The following PDE1C variants were observed in gnomAD, a reference collection of about 807,000 sequenced individuals.
PDE1C encodes dual specificity calcium/calmodulin-dependent 3',5'-cyclic nucleotide phosphodiesterase 1C.
Under a neutral mutation model 93.1 loss-of-function variants are expected in PDE1C, and 62 were observed. That is an observed-to-expected ratio of 0.67 (90% CI 0.54 to 0.82). The LOEUF is 0.82. Ranked by LOEUF, PDE1C falls within the 40% of genes least tolerant of loss-of-function variation. The pLI is 0.00. For missense variants in PDE1C, 742 were observed against 884.6 expected (o/e 0.84, Z 2.04); for synonymous variants, 325 against 310.1 (o/e 1.05, Z -0.50).
At chr7:32,253,816 T>A (rs1386785996) in intron 1 of PDE1C, among the ~76,000 whole-genome samples, 1 of 152,164 alleles carries the variant, frequency 6.6e-6, no homozygotes, top group African/African-American at 2.4e-5. Flanking sequence ...GAGTGTCCAC[T>A]CTAAGGTCAG....
At chr7:31,831,238 A>G (rs935421108) in intron 11 of PDE1C, among the ~76,000 whole-genome samples, 2 of 152,204 alleles carry the variant, frequency 1.3e-5, no homozygotes, top group African/African-American at 4.8e-5. Flanking sequence ...TGTTGGATTT[A>G]AGATAGCATA....
chr7:32,221,357 G>C (rs1284321188), intron 1 of PDE1C, among the ~76,000 whole-genome samples: 1 of 152,146 alleles, frequency 6.6e-6, no homozygotes, highest in African/African-American at 2.4e-5. Flanking sequence ...TGGGAGAAGT[G>C]GAAGGCACCT....
chr7:31,804,010 G>A (rs1786452344), intron 16 of PDE1C, among the ~76,000 whole-genome samples: 1 of 151,618 alleles, frequency 6.6e-6, no homozygotes, highest in Non-Finnish European at 1.5e-5. Flanking sequence ...TTACAGTCTG[G>A]TTGGGCTTTT....
At chr7:32,245,811 G>A (rs1176281532) in intron 1 of PDE1C, among the ~76,000 whole-genome samples, 1 of 152,114 alleles carries the variant, frequency 6.6e-6, no homozygotes, top group Non-Finnish European at 1.5e-5. Flanking sequence ...CTCACATGGT[G>A]GAAGGGACTA....
At chr7:31,990,115 GC>G (rs1783971319) in intron 2 of PDE1C, among the ~76,000 whole-genome samples, 1 of 152,156 alleles carries the variant, frequency 6.6e-6, no homozygotes, top group Non-Finnish European at 1.5e-5. Context: ...AAACAGGAAG[GC>G]CCCTAAACTG....
the PDE1C span, among the ~76,000 whole-genome samples, chr7:31,640,307 T>C: frequency 0.16 from 23,848 of 152,152 alleles, 2,348 homozygotes; most frequent in Non-Finnish European, 0.2. Flanking sequence ...TTCTGATGGT[T>C]CTCTTCCCAG....
intron 3 of PDE1C, among the ~76,000 whole-genome samples, chr7:32,111,001 C>A (rs1403386895): frequency 3.9e-5 from 6 of 152,064 alleles, no homozygotes; most frequent in African/African-American, 1.4e-4. Context: ...GATAGTGAGG[C>A]CTTTCACAGA....
intron 2 of PDE1C, among the ~76,000 whole-genome samples, chr7:31,956,612 AG>A (rs1021982267): frequency 3.4e-4 from 51 of 152,130 alleles, no homozygotes; most frequent in African/African-American, 1.1e-3. Flanking sequence ...AGCAAATTTC[AG>A]GACAGCCTGA....
At chr7:31,745,945 CT>C in the PDE1C span, among the ~76,000 whole-genome samples, 3 of 152,110 alleles carry the variant, frequency 2.0e-5, no homozygotes, top group Non-Finnish European at 4.4e-5. Context: ...AAAGAGAGAC[CT>C]TTGAGCAAGG....
the PDE1C span, among the ~76,000 whole-genome samples, chr7:31,743,359 C>T: frequency 3.8e-3 from 583 of 152,220 alleles, 3 homozygotes; most frequent in African/African-American, 0.013. Context: ...TCTTTGCTCC[C>T]GCTCTTCCCC....
At chr7:32,268,604 A>T (rs569359038) in intron 1 of PDE1C, among the ~76,000 whole-genome samples, 118 of 152,202 alleles carry the variant, frequency 7.8e-4, no homozygotes, top group Non-Finnish European at 1.3e-3. Context: ...TTGATCTCCC[A>T]CAGAGAGGCT....
At chr7:32,400,238 G>A (rs73307814) in intron 1 of PDE1C, among the ~76,000 whole-genome samples, 6 of 152,186 alleles carry the variant, frequency 3.9e-5, no homozygotes, top group Non-Finnish European at 7.3e-5. Flanking sequence ...TGGCACAGAC[G>A]TGTCTAGCAC....
intron 1 of PDE1C, among the ~76,000 whole-genome samples, chr7:32,273,890 T>C (rs61426332): frequency 2.0e-5 from 3 of 152,242 alleles, no homozygotes; most frequent in Non-Finnish European, 4.4e-5. Flanking sequence ...CCCTACCTTG[T>C]TGGGTTCCTG....
the PDE1C span, among the ~76,000 whole-genome samples, chr7:31,672,175 A>C: frequency 6.6e-6 from 1 of 152,338 alleles, no homozygotes; most frequent in African/African-American, 2.4e-5. Flanking sequence ...AAAAAGTCTC[A>C]GACTCTCGGC....
At chr7:31,875,801 A>ATC in intron 5 of PDE1C, among the ~76,000 whole-genome samples, 1 of 55,460 alleles carries the variant, frequency 1.8e-5, no homozygotes, top group African/African-American at 7.5e-5. Flanking sequence ...ATCTATATAT[A>ATC]TATATATATA....
intron 1 of PDE1C, among the ~76,000 whole-genome samples, chr7:32,374,415 T>C (rs1383822387): frequency 1.3e-5 from 2 of 152,232 alleles, no homozygotes; most frequent in Admixed American, 1.3e-4. Flanking sequence ...CCTCCAGGGC[T>C]AGAGAAAAGG....
chr7:32,243,423 G>T (rs1808686464), intron 1 of PDE1C, among the ~76,000 whole-genome samples: 1 of 152,144 alleles, frequency 6.6e-6, no homozygotes, highest in Non-Finnish European at 1.5e-5. Flanking sequence ...TGGTTAAAAT[G>T]GGAGGTGAAA....
chr7:32,141,225 C>A (rs768473483), intron 3 of PDE1C, among the ~76,000 whole-genome samples: 10 of 152,124 alleles, frequency 6.6e-5, no homozygotes, highest in Admixed American at 1.3e-4. Flanking sequence ...ATAGTCCCAG[C>A]TACTAAGAAA....
At chr7:31,684,638 G>A in the PDE1C span, among the ~76,000 whole-genome samples, 9 of 152,252 alleles carry the variant, frequency 5.9e-5, no homozygotes, top group East Asian at 3.9e-4. Context: ...GAGAAACTAC[G>A]CAGATGACAA....
Sources: allele counts gnomAD v4.1 joint callset (sites outside exome capture counted in the v4.1 genomes callset), GRCh38; gene constraint gnomAD v4.1.1; transcripts MANE v1.5; gene names NCBI Gene and HGNC (gene_info 2026-07-23, HGNC 2026-07-21).